Variants in CFDP1 observed in about 807,000 individuals in gnomAD.
The protein encoded by CFDP1 is chromatin remodeling protein CFDP1.
A neutral mutation model predicts 40.1 loss-of-function variants in CFDP1; 31 were observed. The observed-to-expected ratio is 0.77, with a 90% confidence interval of 0.58 to 1.04. The LOEUF (loss-of-function observed/expected upper bound fraction) is 1.04, where lower values mean the gene tolerates loss of function less well. CFDP1 is among the 50% of genes least tolerant of loss of function. The pLI is 0.00. For missense variants in CFDP1, 423 were observed against 343.4 expected (o/e 1.23, Z -1.83); for synonymous variants, 167 against 120.0 (o/e 1.39, Z -2.56).
At chr16:75,313,984 A>T (rs566817407) in intron 5 of CFDP1, among the ~76,000 whole-genome samples, 1 of 152,242 alleles carries the variant, frequency 6.6e-6, no homozygotes, top group East Asian at 1.9e-4. Flanking sequence ...GCCGGGGTTC[A>T]AGCAGTTCTT....
At chr16:75,299,496 G>A (rs1315803833) in intron 6 of CFDP1, among the ~76,000 whole-genome samples, 1 of 151,974 alleles carries the variant, frequency 6.6e-6, no homozygotes, top group African/African-American at 2.4e-5. Context: ...TCGGGAGGCT[G>A]AGGCAGGAGA....
chr16:75,386,802 C>G (rs1159858006), intron 5 of CFDP1, among the ~76,000 whole-genome samples: 3 of 152,152 alleles, frequency 2.0e-5, no homozygotes, highest in Non-Finnish European at 4.4e-5. Context: ...TTTCATGACC[C>G]GAATTGTCAG....
intron 5 of CFDP1, among the ~76,000 whole-genome samples, chr16:75,327,864 C>T (rs1025716402): frequency 2.6e-5 from 4 of 152,100 alleles, no homozygotes; most frequent in Non-Finnish European, 5.9e-5. Context: ...GCTGGGATTA[C>T]AGGTACCCGC....
chr16:75,426,522 C>A (rs186529761), intron 1 of CFDP1, among the ~76,000 whole-genome samples: 2 of 151,886 alleles, frequency 1.3e-5, no homozygotes, highest in African/African-American at 4.8e-5. Flanking sequence ...AAAAATTTTA[C>A]TCTGCAGGCC....
intron 1 of CFDP1, among the ~76,000 whole-genome samples, chr16:75,428,407 A>G (rs1484084912): frequency 6.6e-6 from 1 of 152,090 alleles, no homozygotes; most frequent in African/African-American, 2.4e-5. Context: ...CAAGGTCAGG[A>G]GATCGAGACC....
At chr16:75,306,281 C>T (rs2078256385) in intron 5 of CFDP1, 1 of 152,196 alleles carries the variant, frequency 6.6e-6, no homozygotes, top group African/African-American at 2.4e-5. Flanking sequence ...GACACAGGAC[C>T]CAGTCTCAGA....
At chr16:75,319,047 CT>C (rs1395500603) in intron 5 of CFDP1, among the ~76,000 whole-genome samples, 1 of 151,590 alleles carries the variant, frequency 6.6e-6, no homozygotes, top group Non-Finnish European at 1.5e-5. Flanking sequence ...ACCAAACTTA[CT>C]TTATTTATTT....
intron 4 of CFDP1, among the ~76,000 whole-genome samples, chr16:75,400,101 C>T (rs1410682623): frequency 1.7e-5 from 1 of 59,326 alleles, no homozygotes; most frequent in Non-Finnish European, 3.4e-5. Context: ...AACTCCATCT[C>T]AAAAAAAAAA....
At chr16:75,372,551 G>A (rs1474603772) in intron 5 of CFDP1, 3 of 152,138 alleles carry the variant, frequency 2.0e-5, no homozygotes, top group Non-Finnish European at 4.4e-5. Flanking sequence ...CAATCTCTAG[G>A]CATCAAATTT....
Position 75,411,881 on chromosome 16 carries a change from T to C in CFDP1, c.474A>G (p.Lys158=). The change falls in exon 4 of 7, where the codon AAA becomes AAG. Residue 158 remains lysine (K), a synonymous_variant. Transcript: ENST00000283882. ...LVKAEELEKP[K]ETEKVKITKV... ...TGGTGATTTTAACTTTTTCTGTTTC[T>C]TTAGGTTTCTCTAGCTCTTCTGCTT... 1 of 1,613,104 alleles carries C rather than the reference T, an allele frequency of 6.2e-7. No homozygotes were observed. The highest frequency in any genetic ancestry group is 8.5e-7 in the Non-Finnish European group (1 of 1,179,746).
intron 5 of CFDP1, among the ~76,000 whole-genome samples, chr16:75,324,114 AT>A (rs1233836825): frequency 2.0e-5 from 3 of 152,208 alleles, no homozygotes; most frequent in African/African-American, 7.2e-5. Flanking sequence ...CCCTCATTTA[AT>A]TTATTCACAA....
At chr16:75,380,616 T>C (rs1388916991) in intron 5 of CFDP1, among the ~76,000 whole-genome samples, 2 of 152,068 alleles carry the variant, frequency 1.3e-5, no homozygotes, top group African/African-American at 4.8e-5. Flanking sequence ...TCTAAGCTTT[T>C]GGGCTGTAGC....
At chr16:75,371,893 A>T in intron 5 of CFDP1, among the ~76,000 whole-genome samples, 1 of 152,202 alleles carries the variant, frequency 6.6e-6, no homozygotes, top group East Asian at 1.9e-4. Context: ...AATACGAACT[A>T]GTAAGTGAAG....
chr16:75,433,194 T>C, intron 1 of CFDP1, 95 bp downstream of exon 1: 14 of 1,244,738 alleles, frequency 1.1e-5, no homozygotes, highest in Non-Finnish European at 1.6e-5. Flanking sequence ...CTGGACCACC[T>C]GGGCCACAGG....
chr16:75,425,791 T>C (rs2079334430), intron 1 of CFDP1, among the ~76,000 whole-genome samples: 1 of 152,022 alleles, frequency 6.6e-6, no homozygotes, highest in Admixed American at 6.6e-5. Context: ...CCCAGCACTT[T>C]GGGAGGCCGG....
At chr16:75,301,859 A>G (rs2078224153) in intron 6 of CFDP1, 1 of 152,230 alleles carries the variant, frequency 6.6e-6, no homozygotes, top group Non-Finnish European at 1.5e-5. Context: ...TGAAGAACAG[A>G]GCTCCAGTCC....
chr16:75,393,737 C>CAAAAAAAAAAAAAAAAA (rs61344775), intron 5 of CFDP1, among the ~76,000 whole-genome samples: 1 of 80,620 alleles, frequency 1.2e-5, no homozygotes, highest in African/African-American at 5.8e-5. Context: ...GACTCCGTCG[C>CAAAAAAAAAAAAAAAAA]AAAAAAAAAA....
intron 4 of CFDP1, among the ~76,000 whole-genome samples, chr16:75,409,079 G>A (rs930377071): frequency 1.3e-5 from 2 of 151,590 alleles, no homozygotes; most frequent in Non-Finnish European, 2.9e-5. Context: ...GGCTGGTCTC[G>A]AACTCCTAAC....
intron 5 of CFDP1, among the ~76,000 whole-genome samples, chr16:75,330,379 G>C (rs929375279): frequency 1.2e-4 from 19 of 152,354 alleles, no homozygotes; most frequent in African/African-American, 4.3e-4. Context: ...TTGAGGTCAG[G>C]AGTTCAAGAC....
Sources: allele counts gnomAD v4.1 joint callset (sites outside exome capture counted in the v4.1 genomes callset), GRCh38; gene constraint gnomAD v4.1.1; transcripts MANE v1.5; gene names NCBI Gene and HGNC (gene_info 2026-07-23, HGNC 2026-07-21).